Variants in ACVR1C observed in about 807,000 individuals in gnomAD.
ACVR1C encodes activin receptor type-1C.
A neutral mutation model predicts 57.9 loss-of-function variants in ACVR1C; 23 were observed. The observed-to-expected ratio is 0.40, with a 90% confidence interval of 0.29 to 0.56. ACVR1C has a LOEUF of 0.56. ACVR1C is among the 20% of genes least tolerant of loss of function. The pLI is 0.50. For missense variants in ACVR1C, 480 were observed against 607.9 expected (o/e 0.79, Z 2.21); for synonymous variants, 214 against 215.3 (o/e 0.99, Z 0.05).
chr2:157,551,522 C>A (rs866569184), intron 3 of ACVR1C, among the ~76,000 whole-genome samples: 17 of 152,048 alleles, frequency 1.1e-4, no homozygotes, highest in Middle Eastern at 3.2e-3. Flanking sequence ...TCTAGCTATT[C>A]AAAATATGCA....
At chr2:157,623,307 A>G (rs566397057) in intron 1 of ACVR1C, among the ~76,000 whole-genome samples, 147 of 152,322 alleles carry the variant, frequency 9.7e-4, no homozygotes, top group African/African-American at 3.4e-3. Flanking sequence ...CTGCACTTCC[A>G]TGTTTGTTGT....
At chr2:157,546,774 G>GTGATTACACTTATTA (rs1687764589) in intron 4 of ACVR1C, among the ~76,000 whole-genome samples, 1 of 151,906 alleles carries the variant, frequency 6.6e-6, no homozygotes, top group Non-Finnish European at 1.5e-5. Context: ...GATTACACAA[G>GTGATTACACTTATTA]CATGGGTACA....
At chr2:157,590,915 T>C (rs1185039966) in intron 1 of ACVR1C, among the ~76,000 whole-genome samples, 1 of 151,980 alleles carries the variant, frequency 6.6e-6, no homozygotes, top group East Asian at 1.9e-4. Context: ...TTTTCTTATA[T>C]GAAAGGCAGG....
At chr2:157,542,888 A>AT in intron 5 of ACVR1C, 26 bp from the exon 6 acceptor site, 1 of 1,608,754 alleles carries the variant, frequency 6.2e-7, no homozygotes, top group Non-Finnish European at 8.5e-7. Flanking sequence ...GAACATATTC[A>AT]TTTTTTTCTT....
chr2:157,566,222 A>T (rs1338462083), intron 2 of ACVR1C, among the ~76,000 whole-genome samples: 2 of 152,210 alleles, frequency 1.3e-5, no homozygotes, highest in African/African-American at 2.4e-5. Context: ...TGGAAGCAGC[A>T]CCCATATCTC....
At chr2:157,546,774 G>C (rs1573908633) in intron 4 of ACVR1C, among the ~76,000 whole-genome samples, 1 of 151,906 alleles carries the variant, frequency 6.6e-6, no homozygotes, top group East Asian at 1.9e-4. Context: ...GATTACACAA[G>C]CATGGGTACA....
rs1345701967 is a variant in ACVR1C at position 157,587,190 on chromosome 2, T to C, written c.301A>G (p.Thr101Ala). Residue 101 changes from threonine (T) to alanine (A), a missense_variant, in exon 2 of 9, where the codon ACA (threonine) becomes GCA (alanine). Coordinates refer to ENST00000243349, the MANE Select transcript of ACVR1C (RefSeq NM_145259.3). ...FCNNITLHLP[T>A]ASPNAPKLGP... ...TGAACAAAGATAAACCCCTTACCTG[T>C]TGGAAGGTGCAGTGTTATGTTGTTG... The C allele has an allele frequency of 3.1e-6, 5 of 1,608,058 alleles. No individual in the cohort carries two copies. The Admixed American group carries it at 5.0e-5, about 16-fold the overall frequency.
chr2:157,612,281 G>T (rs1682552325), intron 1 of ACVR1C, among the ~76,000 whole-genome samples: 2 of 152,160 alleles, frequency 1.3e-5, no homozygotes, highest in Non-Finnish European at 1.5e-5. Context: ...CAAAACAGAG[G>T]CTACATTGAG....
intron 2 of ACVR1C, among the ~76,000 whole-genome samples, chr2:157,576,455 C>T (rs140831606): frequency 2.3e-3 from 351 of 152,248 alleles, no homozygotes; most frequent in Non-Finnish European, 4.1e-3. Context: ...CCGCCTGCCT[C>T]AGCCTCCCAA....
chr2:157,624,549 A>G (rs982362377), intron 1 of ACVR1C, among the ~76,000 whole-genome samples: 75 of 152,236 alleles, frequency 4.9e-4, no homozygotes, highest in Non-Finnish European at 1.0e-4. Context: ...CAAGGGAATC[A>G]AGAGTTATTC....
chr2:157,579,989 T>C (rs1003368614), intron 2 of ACVR1C, among the ~76,000 whole-genome samples: 1 of 152,126 alleles, frequency 6.6e-6, no homozygotes, highest in Non-Finnish European at 1.5e-5. Flanking sequence ...GCCCTTTCAT[T>C]CTTTTTCATT....
intron 1 of ACVR1C, among the ~76,000 whole-genome samples, chr2:157,624,038 C>T (rs1256791079): frequency 2.6e-5 from 4 of 152,018 alleles, no homozygotes; most frequent in African/African-American, 9.7e-5. Flanking sequence ...AAAATAAACT[C>T]TTTATATATA....
intron 8 of ACVR1C, among the ~76,000 whole-genome samples, chr2:157,535,393 A>G (rs1687457531): frequency 6.6e-6 from 1 of 152,184 alleles, no homozygotes; most frequent in Non-Finnish European, 1.5e-5. Flanking sequence ...GTTTTGGCCC[A>G]TAGAAACATT....
chr2:157,550,087 A>G (rs898105786), intron 4 of ACVR1C, 75 bp downstream of exon 4: 23 of 1,315,750 alleles, frequency 1.7e-5, no homozygotes, highest in Non-Finnish European at 2.1e-5. Context: ...ATACTAGACA[A>G]CATTTTTTTT....
chr2:157,541,246 T>C, intron 6 of ACVR1C, 32 bp from the exon 7 acceptor site: 2 of 1,601,548 alleles, frequency 1.2e-6, no homozygotes, highest in Non-Finnish European at 1.7e-6. Flanking sequence ...AGATTCTGTC[T>C]ATGACTTTAT....
intron 1 of ACVR1C, among the ~76,000 whole-genome samples, chr2:157,626,871 T>G (rs1356628601): frequency 6.6e-6 from 1 of 152,248 alleles, no homozygotes; most frequent in Non-Finnish European, 1.5e-5. Context: ...ACATCTCTAC[T>G]ATATTATTCC....
intron 2 of ACVR1C, among the ~76,000 whole-genome samples, chr2:157,579,114 T>G (rs1688726431): frequency 6.6e-6 from 1 of 152,214 alleles, no homozygotes; most frequent in African/African-American, 2.4e-5. Context: ...GTCTTTTTAT[T>G]TGTCCTATTG....
At chr2:157,572,605 T>A (rs933954613) in intron 2 of ACVR1C, among the ~76,000 whole-genome samples, 1 of 152,174 alleles carries the variant, frequency 6.6e-6, no homozygotes, top group Non-Finnish European at 1.5e-5. Flanking sequence ...CCTTATCTAA[T>A]ATGGAATCCT....
At chr2:157,588,727 T>C (rs924687952) in intron 1 of ACVR1C, among the ~76,000 whole-genome samples, 1 of 150,760 alleles carries the variant, frequency 6.6e-6, no homozygotes, top group African/African-American at 2.4e-5. Context: ...TCACTTAGGA[T>C]AATGGCCTCC....
Sources: gnomAD v4.1 joint callset for allele counts (sites outside exome capture counted in the v4.1 genomes callset) on GRCh38, gnomAD v4.1.1 for gene constraint, MANE v1.5 for transcripts, NCBI Gene and HGNC (gene_info 2026-07-23, HGNC 2026-07-21) for gene names.